The following STAG1 variants were observed in gnomAD, a reference collection of about 807,000 sequenced individuals.
STAG1 encodes cohesin subunit SA-1.
A neutral mutation model predicts 170.9 loss-of-function variants in STAG1; 26 were observed. The ratio of observed to expected loss-of-function variants is 0.15; its 90% CI spans 0.11 to 0.21. The LOEUF (loss-of-function observed/expected upper bound fraction) is 0.21. Ranked by LOEUF, STAG1 falls within the 10% of genes least tolerant of loss-of-function variation. STAG1 has a pLI of 1.00. For synonymous variants in STAG1, 514 were observed against 497.7 expected (o/e 1.03, Z -0.44); for missense variants, 964 against 1,509.5 (o/e 0.64, Z 5.99).
intron 1 of STAG1, among the ~76,000 whole-genome samples, chr3:136,706,996 C>A (rs1943244741): frequency 6.6e-6 from 1 of 152,094 alleles, no homozygotes; most frequent in Non-Finnish European, 1.5e-5. Flanking sequence ...AATGTGATAC[C>A]CACAAGCAAA....
At chr3:136,742,785 C>T (rs1376342626) in intron 1 of STAG1, among the ~76,000 whole-genome samples, 1 of 150,636 alleles carries the variant, frequency 6.6e-6, no homozygotes, top group Non-Finnish European at 1.5e-5. Context: ...GAAGATATCA[C>T]AAATTAAAAA....
chr3:136,533,996 A>G (rs1327405586), intron 6 of STAG1, among the ~76,000 whole-genome samples: 1 of 152,242 alleles, frequency 6.6e-6, no homozygotes, highest in Non-Finnish European at 1.5e-5. Flanking sequence ...TTACAGCCTG[A>G]CTTCAAATTA....
At chr3:136,475,403 T>A (rs2089724339) in intron 10 of STAG1, among the ~76,000 whole-genome samples, 1 of 152,074 alleles carries the variant, frequency 6.6e-6, no homozygotes, top group South Asian at 2.1e-4. Context: ...TGTCTCTGCC[T>A]CCCAAAATGC....
At chr3:136,454,376 G>C (rs561243196) in intron 13 of STAG1, among the ~76,000 whole-genome samples, 2 of 148,132 alleles carry the variant, frequency 1.4e-5, no homozygotes, top group East Asian at 2.0e-4. Context: ...CACCGTGATC[G>C]GCTTATTTTA....
At chr3:136,476,918 T>G (rs1055727117) in intron 10 of STAG1, among the ~76,000 whole-genome samples, 1 of 152,214 alleles carries the variant, frequency 6.6e-6, no homozygotes, top group Non-Finnish European at 1.5e-5. Flanking sequence ...AGCACTCTAC[T>G]ATGATATGGT....
chr3:136,651,539 A>G (rs1264059437), intron 1 of STAG1, among the ~76,000 whole-genome samples: 2 of 152,160 alleles, frequency 1.3e-5, no homozygotes, highest in African/African-American at 4.8e-5. Flanking sequence ...ATATTTTTGT[A>G]GTAAAATTTT....
At chr3:136,715,274 A>C (rs1442065967) in intron 1 of STAG1, among the ~76,000 whole-genome samples, 1 of 150,778 alleles carries the variant, frequency 6.6e-6, no homozygotes, top group Admixed American at 6.6e-5. Flanking sequence ...CAGCCTCCCA[A>C]AGTGTTGGGA....
intron 4 of STAG1, among the ~76,000 whole-genome samples, chr3:136,574,147 A>C (rs1937365658): frequency 6.6e-6 from 1 of 152,062 alleles, no homozygotes; most frequent in Non-Finnish European, 1.5e-5. Flanking sequence ...AGGCTGAGGC[A>C]GGAGAATTGG....
chr3:136,350,369 C>T (rs977709575), intron 28 of STAG1, among the ~76,000 whole-genome samples: 5 of 152,176 alleles, frequency 3.3e-5, no homozygotes, highest in Admixed American at 1.3e-4. Context: ...TTCTCATCAC[C>T]TCCCAGCCCT....
In STAG1 at chr3:136,433,622, T is replaced by C; in HGVS notation, c.1584A>G (p.Leu528=). 2 of 1,607,712 alleles carry C rather than the reference T, an allele frequency of 1.2e-6. No individual in the cohort carries two copies. Among genetic ancestry groups the C allele is most frequent in the Non-Finnish European group, 1.7e-6 (2 of 1,177,688 alleles). The part of the protein sequence containing the change: ...SDRQESALIE[L]MVCTIRQAAE... ...CAGCTTGACGAATTGTACAAACCAT[T>C]AGCTCTATAAGAGCACTCTCTTGAC... The change falls in exon 16 of 34, where the codon CTA becomes CTG. Residue 528 remains leucine (L), a synonymous_variant. Coordinates refer to ENST00000383202, the MANE Select transcript of STAG1 (RefSeq NM_005862.3).
At position 136,576,070 on chromosome 3, in the gene STAG1, A is replaced by G. The variant is rs114633122; in HGVS notation, c.298-7209T>C. On this transcript the variant is annotated intron_variant, in intron 4 of 33. Coordinates refer to ENST00000383202, the MANE Select transcript of STAG1 (RefSeq NM_005862.3). ...GGATATAGGTATTATACTACTATTTACTATTTTAAAAACCCCACGAAACAA... is the reference window on the plus strand; with the variant it reads ...GGATATAGGTATTATACTACTATTTGCTATTTTAAAAACCCCACGAAACAA... Among the ~76,000 whole-genome samples the G allele has an allele frequency of 4.8e-3, 737 of 152,280 alleles. 4 individuals are homozygous for G. Among genetic ancestry groups the G allele is most frequent in the African/African-American group, 0.017 (696 of 41,564 alleles).
chr3:136,455,493 C>G (rs1165153443), intron 13 of STAG1, among the ~76,000 whole-genome samples: 4 of 152,258 alleles, frequency 2.6e-5, no homozygotes, highest in Admixed American at 1.3e-4. Flanking sequence ...TGCAAGAAGC[C>G]CACTCCAGTT....
intron 3 of STAG1, 63 bp downstream of exon 3, chr3:136,623,083 C>T (rs1939938737): frequency 1.5e-6 from 2 of 1,367,562 alleles, no homozygotes; most frequent in Admixed American, 2.2e-5. Flanking sequence ...GAATTAACAA[C>T]TCATATAAAC....
At chr3:136,663,197 T>A (rs978716825) in intron 1 of STAG1, among the ~76,000 whole-genome samples, 2 of 152,108 alleles carry the variant, frequency 1.3e-5, no homozygotes, top group Non-Finnish European at 2.9e-5. Flanking sequence ...AGGATATATA[T>A]GTATGGATGA....
At chr3:136,421,641 G>A (rs1387075675) in intron 19 of STAG1, among the ~76,000 whole-genome samples, 1 of 152,122 alleles carries the variant, frequency 6.6e-6, no homozygotes, top group East Asian at 1.9e-4. Flanking sequence ...AGATTGATGA[G>A]AGAGAGGGAA....
In STAG1 at chr3:136,526,107, T is replaced by G. The variant is rs963011524; in HGVS notation, c.472-4690A>C. 1.3e-5 allele frequency among the ~76,000 whole-genome samples: 2 copies of G among 152,196 alleles called. 1 individual carries two copies. The highest frequency in any genetic ancestry group is 4.8e-5 in the African/African-American group (2 of 41,456). ...GGTGGAGAGTTCTGTAGATGTCTAT[T>G]AATTCTGCTTGGTGCAGAGCTGAGT... On this transcript the variant is annotated intron_variant, in intron 6 of 33. Transcript: ENST00000383202.
chr3:136,489,098 A>G (rs1316795655), intron 9 of STAG1, among the ~76,000 whole-genome samples: 1 of 152,208 alleles, frequency 6.6e-6, no homozygotes, highest in Admixed American at 6.5e-5. Context: ...TGAAGGCTTT[A>G]CTTGGAAACT....
At chr3:136,421,012 C>A in intron 20 of STAG1, 81 bp downstream of exon 20, 1 of 772,414 alleles carries the variant, frequency 1.3e-6, no homozygotes, top group South Asian at 2.2e-5. Context: ...CTCAAGCAAT[C>A]TGCCCATCTC....
intron 13 of STAG1, among the ~76,000 whole-genome samples, chr3:136,453,925 T>TG (rs573232136): frequency 1.1e-4 from 16 of 151,510 alleles, no homozygotes; most frequent in African/African-American, 2.2e-4. Context: ...TGAGGTTTTC[T>TG]GGGGGGGCAG....
Sources: gnomAD v4.1 joint callset for allele counts (sites outside exome capture counted in the v4.1 genomes callset) on GRCh38, gnomAD v4.1.1 for gene constraint, MANE v1.5 for transcripts, NCBI Gene and HGNC (gene_info 2026-07-23, HGNC 2026-07-21) for gene names.